HTR1F: variants seen among roughly 807,000 people sequenced by gnomAD.
HTR1F encodes the protein 5-hydroxytryptamine receptor 1F.
HTR1F carries 17 observed loss-of-function variants against 24.0 expected under a neutral mutation model. The ratio of observed to expected loss-of-function variants is 0.71; its 90% CI spans 0.48 to 1.06. The LOEUF is 1.06. Ranked by LOEUF, HTR1F falls within the 50% of genes least tolerant of loss-of-function variation. HTR1F has a pLI of 0.00. For missense variants in HTR1F, 391 were observed against 427.8 expected (o/e 0.91, Z 0.76); for synonymous variants, 186 against 156.8 (o/e 1.19, Z -1.39).
At chr3:87,920,280 G>T (rs1388929949) in intron 2 of HTR1F, among the ~76,000 whole-genome samples, 2 of 151,740 alleles carry the variant, frequency 1.3e-5, no homozygotes, top group Non-Finnish European at 2.9e-5. Context: ...AGGGATAAAA[G>T]ACTACGAATA....
intron 2 of HTR1F, among the ~76,000 whole-genome samples, chr3:87,925,741 C>A (rs546148192): frequency 6.6e-6 from 1 of 152,064 alleles, no homozygotes; most frequent in Non-Finnish European, 1.5e-5. Context: ...GGAGTGTGAT[C>A]TTTTTCTGTA....
intron 1 of HTR1F, among the ~76,000 whole-genome samples, chr3:87,802,788 A>G (rs371544747): frequency 6.6e-6 from 1 of 152,196 alleles, no homozygotes; most frequent in Non-Finnish European, 1.5e-5. Context: ...AAAAGTAAAT[A>G]GGTTAGTTGC....
At chr3:87,933,263 A>C (rs1447031176) in intron 2 of HTR1F, among the ~76,000 whole-genome samples, 17 of 151,364 alleles carry the variant, frequency 1.1e-4, no homozygotes, top group Non-Finnish European at 7.4e-5. Flanking sequence ...AATGGGCAAA[A>C]ACTGGAAGCA....
At chr3:87,840,677 C>G (rs779141356) in intron 2 of HTR1F, among the ~76,000 whole-genome samples, 2 of 150,020 alleles carry the variant, frequency 1.3e-5, no homozygotes, top group Admixed American at 6.6e-5. Flanking sequence ...TTCTCAATAG[C>G]TCAATATTGT....
chr3:87,918,335 C>G (rs576597094), intron 2 of HTR1F, among the ~76,000 whole-genome samples: 126 of 152,058 alleles, frequency 8.3e-4, no homozygotes, highest in Admixed American at 1.5e-3. Flanking sequence ...ACTCTCACCA[C>G]TCCTCTTCAA....
At position 87,991,130 on chromosome 3, in the gene HTR1F, T is replaced by C; in HGVS notation, c.381T>C (p.Asp127=). ...TGGATCGGTATCGAGCAATCACAGATGCTGTTGAGTATGCCAGGAAAAGGA... is the reference window on the plus strand; with the variant it reads ...TGGATCGGTATCGAGCAATCACAGACGCTGTTGAGTATGCCAGGAAAAGGA... ...IALDRYRAIT[D]AVEYARKRTP... The change falls in exon 3 of 3, where the codon GAT becomes GAC. Residue 127 remains aspartate (D), a synonymous_variant. Transcript: ENST00000319595. 1 of 1,614,104 alleles carries C rather than the reference T, an allele frequency of 6.2e-7. No homozygotes were observed. The highest frequency in any genetic ancestry group is 8.5e-7 in the Non-Finnish European group (1 of 1,180,032).
chr3:87,860,319 C>T (rs938785354), intron 2 of HTR1F, among the ~76,000 whole-genome samples: 3 of 152,138 alleles, frequency 2.0e-5, no homozygotes, highest in African/African-American at 7.2e-5. Flanking sequence ...TATGTAAACA[C>T]ATTGTACCAT....
chr3:87,987,734 T>A (rs1404225199), intron 2 of HTR1F, among the ~76,000 whole-genome samples: 9 of 132,574 alleles, frequency 6.8e-5, no homozygotes, highest in East Asian at 6.6e-4. Context: ...TATATGTATT[T>A]TATATATATA....
At chr3:87,963,078 C>T (rs1705095133) in intron 2 of HTR1F, among the ~76,000 whole-genome samples, 1 of 151,938 alleles carries the variant, frequency 6.6e-6, no homozygotes, top group Non-Finnish European at 1.5e-5. Context: ...TGATATTTTA[C>T]AAAATTTGTT....
intron 2 of HTR1F, among the ~76,000 whole-genome samples, chr3:87,839,083 TG>T (rs767791670): frequency 6.6e-6 from 1 of 151,804 alleles, no homozygotes; most frequent in Non-Finnish European, 1.5e-5. Flanking sequence ...TATTTTCTTT[TG>T]CTTGTGCTTT....
intron 2 of HTR1F, among the ~76,000 whole-genome samples, chr3:87,938,313 T>G (rs563384512): frequency 6.6e-6 from 1 of 152,122 alleles, no homozygotes; most frequent in Non-Finnish European, 1.5e-5. Flanking sequence ...GGAAAAACAT[T>G]CCACGCTCAT....
chr3:87,801,469 G>A (rs1470477870), intron 1 of HTR1F, among the ~76,000 whole-genome samples: 2 of 152,208 alleles, frequency 1.3e-5, no homozygotes, highest in Non-Finnish European at 2.9e-5. Flanking sequence ...TGTGCCCAAG[G>A]TGGTCGGGGC....
intron 1 of HTR1F, among the ~76,000 whole-genome samples, chr3:87,813,695 A>T (rs1304722300): frequency 6.6e-6 from 1 of 152,120 alleles, no homozygotes; most frequent in Non-Finnish European, 1.5e-5. Context: ...AGTAATACTC[A>T]CATGTCGAGA....
At chr3:87,984,497 T>A (rs1705620050) in intron 2 of HTR1F, among the ~76,000 whole-genome samples, 1 of 152,156 alleles carries the variant, frequency 6.6e-6, no homozygotes, top group African/African-American at 2.4e-5. Flanking sequence ...CTCTTTCGCT[T>A]CTGTTGCCCA....
At chr3:87,905,735 C>CA (rs36028043) in intron 2 of HTR1F, among the ~76,000 whole-genome samples, 9,425 of 141,598 alleles carry the variant, frequency 0.067, 300 homozygotes, top group South Asian at 0.12. Flanking sequence ...CTTTATTTAG[C>CA]AAAAAAAAAA....
intron 2 of HTR1F, among the ~76,000 whole-genome samples, chr3:87,973,840 G>C (rs758180744): frequency 2.6e-5 from 4 of 152,108 alleles, no homozygotes; most frequent in Non-Finnish European, 4.4e-5. Flanking sequence ...AATACCGACG[G>C]CACGCTTAAA....
chr3:87,957,086 T>G lies in HTR1F; in HGVS notation c.-42-33622T>G, dbSNP rs72915665. On this transcript the variant is annotated intron_variant, in intron 2 of 2. Transcript: ENST00000319595. ...AAGGAAACAGGACGTTAGGTGCAGA[T>G]TTTTTATAAATGCCTCTTATCAGAT... Among the ~76,000 whole-genome samples, 743 of 151,436 alleles carry G rather than the reference T, an allele frequency of 4.9e-3. 2 individuals are homozygous for G. Among genetic ancestry groups the G allele is most frequent in the African/African-American group, 0.017 (718 of 41,476 alleles).
chr3:87,801,029 A>G (rs1703982075), intron 1 of HTR1F, among the ~76,000 whole-genome samples: 1 of 152,202 alleles, frequency 6.6e-6, no homozygotes, highest in Non-Finnish European at 1.5e-5. Context: ...TATACAATAT[A>G]AATTGACATT....
intron 2 of HTR1F, among the ~76,000 whole-genome samples, chr3:87,921,587 CA>C: frequency 6.6e-6 from 1 of 151,908 alleles, no homozygotes; most frequent in Admixed American, 6.6e-5. Context: ...TGTGAAGATT[CA>C]AAACCATCTC....
Sources: gnomAD v4.1 joint callset for allele counts (sites outside exome capture counted in the v4.1 genomes callset) on GRCh38, gnomAD v4.1.1 for gene constraint, MANE v1.5 for transcripts, NCBI Gene and HGNC (gene_info 2026-07-23, HGNC 2026-07-21) for gene names.